The following CNTLN variants were observed in gnomAD, a reference collection of about 807,000 sequenced individuals.
CNTLN encodes centlein, centrosomal protein.
Under a neutral mutation model 180.0 loss-of-function variants are expected in CNTLN, and 212 were observed. That is an observed-to-expected ratio of 1.18 (90% CI 1.05 to 1.32). CNTLN has a LOEUF of 1.32. Ranked by LOEUF, CNTLN falls within the 40% of genes most tolerant of loss-of-function variation. CNTLN has a pLI of 0.00. For missense variants in CNTLN, 2,095 were observed against 1,610.9 expected (o/e 1.30, Z -5.14); for synonymous variants, 722 against 563.1 (o/e 1.28, Z -3.99).
chr9:17,169,593 G>A (rs113043206), intron 2 of CNTLN, among the ~76,000 whole-genome samples: 1 of 151,712 alleles, frequency 6.6e-6, no homozygotes, highest in Non-Finnish European at 1.5e-5. Context: ...ATAAGATAAG[G>A]GTCCAATTTT....
chr9:17,308,492 A>C (rs1211274945), intron 7 of CNTLN, among the ~76,000 whole-genome samples: 1 of 152,076 alleles, frequency 6.6e-6, no homozygotes, highest in East Asian at 1.9e-4. Context: ...AAGAATGTAG[A>C]ATTCAACATT....
chr9:17,153,554 C>T lies in CNTLN; in HGVS notation c.449+10178C>T, dbSNP rs143640136. 3.5e-3 allele frequency among the ~76,000 whole-genome samples: 533 copies of T among 152,220 alleles called. 6 individuals carry two copies. Among genetic ancestry groups the T allele is most frequent in the African/African-American group, 0.012 (491 of 41,556 alleles). ...TGTTAGTCTGATGGGCTTCCCTTTG[C>T]GGGTAACCCAATCTTTCTTACTGCC... On this transcript the variant is annotated intron_variant, in intron 2 of 25. Transcript: ENST00000380647.
At chr9:17,299,049 C>T (rs1818156729) in intron 7 of CNTLN, 1 of 476,444 alleles carries the variant, frequency 2.1e-6, no homozygotes, top group Non-Finnish European at 2.7e-6. Flanking sequence ...CGAGACCATC[C>T]TGGCCAACAT....
intron 6 of CNTLN, among the ~76,000 whole-genome samples, chr9:17,291,753 T>G (rs1301672577): frequency 6.6e-6 from 1 of 152,222 alleles, no homozygotes; most frequent in Non-Finnish European, 1.5e-5. Flanking sequence ...TCTTGACTCT[T>G]TATCCAGCTT....
At chr9:17,525,468 T>G in the CNTLN span, among the ~76,000 whole-genome samples, 1 of 152,180 alleles carries the variant, frequency 6.6e-6, no homozygotes, top group Admixed American at 6.5e-5. Context: ...AAAAACTGGT[T>G]TACCATATAA....
At chr9:17,489,494 G>T (rs917132377) in intron 25 of CNTLN, among the ~76,000 whole-genome samples, 2 of 152,058 alleles carry the variant, frequency 1.3e-5, no homozygotes, top group Non-Finnish European at 1.5e-5. Context: ...CAAATCCTGA[G>T]ATTATCAGGG....
intron 1 of CNTLN, 106 bp from the exon 2 acceptor site, chr9:17,143,182 C>G: frequency 1.4e-6 from 1 of 737,068 alleles, no homozygotes; most frequent in Non-Finnish European, 2.3e-6. Flanking sequence ...TGTAGTTATA[C>G]AACTAGGGAT....
intron 7 of CNTLN, among the ~76,000 whole-genome samples, chr9:17,303,523 T>G (rs1417648450): frequency 1.3e-5 from 2 of 151,462 alleles, no homozygotes; most frequent in East Asian, 3.9e-4. Context: ...TTTTAACTTT[T>G]TGAGCTTCTG....
chr9:17,241,256 C>G (rs2132195643), intron 5 of CNTLN, among the ~76,000 whole-genome samples: 1 of 152,258 alleles, frequency 6.6e-6, no homozygotes, highest in Admixed American at 6.5e-5. Flanking sequence ...AGATAGGGGT[C>G]TAGTTTCATT....
rs35350865 is a variant in CNTLN at position 17,440,588 on chromosome 9, CA to C, written c.3115-16922del. 5.7e-4 allele frequency among the ~76,000 whole-genome samples: 65 copies of C among 114,614 alleles called. 1 individual carries two copies. The highest frequency in any genetic ancestry group is 5.0e-3 in the Middle Eastern group (1 of 202). The allele number at this position is 114,614 out of a possible 152,430, so 75.2% of individuals were successfully genotyped here. A position where few individuals can be genotyped will look rare whatever the true frequency, so the allele number is the denominator to read the frequency against. On this transcript the variant is annotated intron_variant, in intron 18 of 25. Transcript: ENST00000380647. ...TGGGCGACGGAGCGAGACTCCGTCT[CA>C]AAAAAAAAAAAAAGAACTGAAAACA...
At chr9:17,181,851 G>A (rs1170020191) in intron 2 of CNTLN, among the ~76,000 whole-genome samples, 26 of 152,180 alleles carry the variant, frequency 1.7e-4, no homozygotes, top group Non-Finnish European at 4.4e-5. Flanking sequence ...GGTGGAAGGG[G>A]CAGGAATGTC....
chr9:17,390,379 C>T (rs1473383291), intron 14 of CNTLN, among the ~76,000 whole-genome samples: 2 of 151,624 alleles, frequency 1.3e-5, no homozygotes, highest in African/African-American at 2.4e-5. Context: ...ACTGGGACTA[C>T]AGGTGTGCGC....
At chr9:17,352,029 G>A (rs1006747774) in intron 12 of CNTLN, among the ~76,000 whole-genome samples, 3 of 152,142 alleles carry the variant, frequency 2.0e-5, no homozygotes, top group Non-Finnish European at 4.4e-5. Flanking sequence ...AATGAAGGCA[G>A]TTGAGCTGGA....
At chr9:17,495,708 T>A (rs974694029) in intron 25 of CNTLN, among the ~76,000 whole-genome samples, 3 of 152,196 alleles carry the variant, frequency 2.0e-5, no homozygotes, top group African/African-American at 7.2e-5. Flanking sequence ...TGTACAGTAA[T>A]GTCCTAAGTC....
intron 18 of CNTLN, among the ~76,000 whole-genome samples, chr9:17,428,244 C>T (rs1829212032): frequency 6.6e-6 from 1 of 151,948 alleles, no homozygotes. Context: ...CCCTGCAGTA[C>T]AGAAGAAGGA....
downstream of CNTLN, among the ~76,000 whole-genome samples, chr9:17,507,527 T>A (rs910748921): frequency 6.6e-6 from 1 of 152,194 alleles, no homozygotes; most frequent in Non-Finnish European, 1.5e-5. Flanking sequence ...GGTTACTGGG[T>A]CAAATAGTAA....
intron 6 of CNTLN, among the ~76,000 whole-genome samples, chr9:17,279,063 A>G (rs1344864853): frequency 6.6e-6 from 1 of 151,054 alleles, no homozygotes; most frequent in Non-Finnish European, 1.5e-5. Context: ...GAACAAACTG[A>G]TACGAAAAAC....
At chr9:17,482,582 G>A (rs1257733375) in intron 23 of CNTLN, among the ~76,000 whole-genome samples, 2 of 151,768 alleles carry the variant, frequency 1.3e-5, no homozygotes, top group Admixed American at 6.6e-5. Context: ...TTAAGGGGCA[G>A]AGAATCTACA....
At chr9:17,238,722 T>C (rs1171777554) in intron 5 of CNTLN, among the ~76,000 whole-genome samples, 1 of 152,224 alleles carries the variant, frequency 6.6e-6, no homozygotes, top group African/African-American at 2.4e-5. Context: ...CTCTTAGTAA[T>C]TTATCTTTTA....
Sources: gnomAD v4.1 joint callset for allele counts (sites outside exome capture counted in the v4.1 genomes callset) on GRCh38, gnomAD v4.1.1 for gene constraint, MANE v1.5 for transcripts, NCBI Gene and HGNC (gene_info 2026-07-23, HGNC 2026-07-21) for gene names.